KIF22: variants seen among roughly 807,000 people sequenced by gnomAD.
KIF22 encodes the protein kinesin family member 22, also known as kinesin-like protein KIF22.
A neutral mutation model predicts 73.0 loss-of-function variants in KIF22; 62 were observed. The observed-to-expected ratio is 0.85, with a 90% CI of 0.69 to 1.05. The LOEUF is 1.05. KIF22 is among the 50% of genes least tolerant of loss of function. KIF22 has a pLI of 0.00. For synonymous variants in KIF22, 411 were observed against 340.1 expected (o/e 1.21, Z -2.29); for missense variants, 854 against 870.1 (o/e 0.98, Z 0.23).
intron 11 of KIF22, chr16:29,804,371 A>ACC (rs1480721593): frequency 1.8e-5 from 11 of 600,862 alleles, no homozygotes; most frequent in Non-Finnish European, 2.4e-5. Flanking sequence ...TCAAGCAAGA[A>ACC]ACCACACATA....
At chr16:29,803,378 C>G in intron 9 of KIF22, 71 bp from the exon 10 acceptor site, 1 of 1,581,454 alleles carries the variant, frequency 6.3e-7, no homozygotes, top group Non-Finnish European at 8.6e-7. Flanking sequence ...CATACTCACC[C>G]TGGTAACCCA....
rs757812036 is a variant in KIF22, at chr16:29,798,415, T to A, written c.308T>A (p.Ile103Asn). The A allele has an allele frequency of 6.2e-7, 1 of 1,612,924 alleles. No homozygotes were observed. The highest frequency in any genetic ancestry group is 1.3e-5 in the African/African-American group (1 of 74,696). The change falls in exon 3 of 14, where the codon ATC becomes AAC. Residue 103 changes from isoleucine to asparagine, a missense_variant. Transcript: ENST00000160827. The surrounding 1 kb of genome is among the most constrained non-coding windows in gnomAD (Gnocchi z 4.1). ...FYGERSTQQD[I>N]YAGSVQPILR... ...GGGGAGAGGAGTACTCAGCAGGACA[T>A]CTATGCAGGTTCAGTGCAGCCCATC...
rs147421826 is a variant in KIF22, at chr16:29,797,662, G to C, written c.266+574G>C. On this transcript the variant is annotated intron_variant, in intron 2 of 13. Coordinates refer to ENST00000160827, the MANE Select transcript of KIF22 (RefSeq NM_007317.3). This position sits in a 1 kb window ranked among gnomAD's most constrained non-coding sequence, Gnocchi z 4.1. ...GCTTTCTGACTACAGTGGCAGAGTT[G>C]AGTAGTTGTAAAAGGAACACATGGC... is the stretch of plus-strand genomic sequence containing the variant. Among the ~76,000 whole-genome samples the C allele has an allele frequency of 1.3e-5, 2 of 152,282 alleles. No individual in the cohort carries two copies. The highest frequency in any genetic ancestry group is 4.8e-5 in the African/African-American group (2 of 41,546).
intron 9 of KIF22, 55 bp from the exon 10 acceptor site, chr16:29,803,394 T>G: frequency 6.2e-7 from 1 of 1,603,210 alleles, no homozygotes; most frequent in Non-Finnish European, 8.5e-7. Flanking sequence ...ACCCACTCCC[T>G]TCAGGCTGCC....
chr16:29,800,589 AC>A (rs1265110300), intron 8 of KIF22, among the ~76,000 whole-genome samples: 3 of 152,030 alleles, frequency 2.0e-5, no homozygotes, highest in Non-Finnish European at 4.4e-5. Context: ...ACATGGTGAA[AC>A]CCCATCTCTA....
At chr16:29,803,957 TA>T in intron 10 of KIF22, 40 bp from the exon 11 acceptor site, 1 of 1,508,226 alleles carries the variant, frequency 6.6e-7, no homozygotes, top group South Asian at 1.1e-5. Context: ...GGGTGAAAAG[TA>T]CCCTTTGCCC....
In KIF22 at chr16:29,797,904, A is replaced by AT. The variant is rs1451296221; in HGVS notation, c.267-466dup. On this transcript the variant is annotated intron_variant, in intron 2 of 13. Transcript: ENST00000160827. The surrounding 1 kb of genome is among the most constrained non-coding windows in gnomAD (Gnocchi z 4.1). Reference sequence around the variant, plus strand: ...AGTTCAGTCATAAGCAGCATCCTCTATTTTCCCCATTATGGTGTAAAATAC... The same window carrying AT: ...AGTTCAGTCATAAGCAGCATCCTCTATTTTTCCCCATTATGGTGTAAAATAC... Among the ~76,000 whole-genome samples, 1 of 152,052 alleles carries AT rather than the reference A, an allele frequency of 6.6e-6. No individual in the cohort carries two copies. The highest frequency in any genetic ancestry group is 1.5e-5 in the Non-Finnish European group (1 of 68,020).
Position 29,803,432 on chromosome 16 carries a change from C to T in KIF22, c.1450-17C>T, listed in dbSNP as rs772312375. On this transcript the variant is annotated splice_polypyrimidine_tract_variant and intron_variant, in intron 9 of 13. Coordinates refer to ENST00000160827, the MANE Select transcript of KIF22 (RefSeq NM_007317.3). ...GGAGTTGGGTCTGGATCACATCTCC[C>T]TGATCCTTTCCAACAGAGGCTTAAG... is the stretch of plus-strand genomic sequence containing the variant. The T allele has an allele frequency of 1.9e-6, 3 of 1,613,676 alleles. No homozygotes were observed. Among genetic ancestry groups the T allele is most frequent in the Middle Eastern group, 3.3e-4 (2 of 6,058 alleles).
At chr16:29,795,478 C>T (rs1454431852) in intron 1 of KIF22, among the ~76,000 whole-genome samples, 2 of 152,162 alleles carry the variant, frequency 1.3e-5, no homozygotes, top group Non-Finnish European at 2.9e-5. Context: ...TGGCTCCTAG[C>T]AACCAGCTGC....
chr16:29,793,516 T>C (rs1195698512), intron 1 of KIF22, among the ~76,000 whole-genome samples: 5 of 152,184 alleles, frequency 3.3e-5, no homozygotes, highest in South Asian at 2.1e-4. Context: ...ATAGGACTTA[T>C]CAGCTGTAAG....
Position 29,790,882 on chromosome 16 carries a change from G to T in KIF22, c.70+53G>T, listed in dbSNP as rs1010322322. On this transcript the variant is annotated intron_variant, in intron 1 of 13. Coordinates refer to ENST00000160827, the MANE Select transcript of KIF22 (RefSeq NM_007317.3). ...GGTACCGACGTCTGGAGTTTAGTGGGAGTTATGTGTCGGAGTGTGGTCCAG... is the reference window on the plus strand; with the variant it reads ...GGTACCGACGTCTGGAGTTTAGTGGTAGTTATGTGTCGGAGTGTGGTCCAG... 6 of 1,563,168 alleles carry T rather than the reference G, an allele frequency of 3.8e-6. No individual in the cohort carries two copies. The African/African-American group carries it at 8.1e-5, about 21-fold the overall frequency.
At position 29,804,807 on chromosome 16, in the gene KIF22, C is replaced by T. The variant is rs1187602008; in HGVS notation, c.1678-7C>T. 2 of 1,596,842 alleles carry T rather than the reference C, an allele frequency of 1.3e-6. No individual in the cohort carries two copies. The highest frequency in any genetic ancestry group is 1.1e-5 in the South Asian group (1 of 89,100). On this transcript the variant is annotated splice_polypyrimidine_tract_variant and splice_region_variant and intron_variant, in intron 11 of 13. Transcript: ENST00000160827. The stretch of plus-strand genomic sequence containing the variant: ...CTGCGTGTCACTCATCTCCCTTTGC[C>T]TCCCAGCTGGAGTCCCTGGATGCCC...
At chr16:29,791,125 A>C in intron 1 of KIF22, 1 of 1,342,238 alleles carries the variant, frequency 7.5e-7, no homozygotes. Flanking sequence ...TCGTCTGTGA[A>C]ACGGGGGTCA....
At position 29,797,877 on chromosome 16, in the gene KIF22, C is replaced by T. The variant is rs1400024273; in HGVS notation, c.267-497C>T. Among the ~76,000 whole-genome samples, 1 of 152,170 alleles carries T rather than the reference C, an allele frequency of 6.6e-6. No individual in the cohort carries two copies. Among genetic ancestry groups the T allele is most frequent in the Non-Finnish European group, 1.5e-5 (1 of 68,040 alleles). ...TGGATAGGTGATTGGTATGTAGAGT[C>T]TAGTTCAGTCATAAGCAGCATCCTC... On this transcript the variant is annotated intron_variant, in intron 2 of 13. Transcript: ENST00000160827. The surrounding 1 kb of genome is among the most constrained non-coding windows in gnomAD (Gnocchi z 4.1).
At chr16:29,800,086 G>A (rs1899086730) in intron 8 of KIF22, 38 bp downstream of exon 8, 1 of 1,580,880 alleles carries the variant, frequency 6.3e-7, no homozygotes, top group Non-Finnish European at 8.5e-7. Flanking sequence ...CCTTCCTGAT[G>A]TATGGCTTAG....
In KIF22 at chr16:29,800,044, C is replaced by T; in HGVS notation, c.1276C>T (p.Leu426Phe). 1 of 1,610,898 alleles carries T rather than the reference C, an allele frequency of 6.2e-7. No homozygotes were observed. The highest frequency in any genetic ancestry group is 8.5e-7 in the Non-Finnish European group (1 of 1,179,640). The change falls in exon 8 of 14, where the codon CTC becomes TTC. Residue 426 changes from leucine to phenylalanine, a missense_variant. Physicochemically the swap from Leu to Phe is conservative, Grantham distance 22 (BLOSUM62 0). This residue lies in a region of KIF22 where 423 missense variants were observed against 365.4 expected (regional missense o/e 1.16). Transcript: ENST00000160827. Reference protein sequence around the residue: ...MAAPASASQKLSPLQKLSSMD... With the variant: ...MAAPASASQKFSPLQKLSSMD... ...AGCTCCAGCCTCTGCCTCCCAGAAA[C>T]TCAGGTGAGCAGTGGGGCCTTGGGT... is the stretch of plus-strand genomic sequence containing the variant.
intron 1 of KIF22, 134 bp downstream of exon 1, chr16:29,790,963 C>G: frequency 6.7e-7 from 1 of 1,491,310 alleles, no homozygotes; most frequent in South Asian, 1.3e-5. Context: ...GAGAGGGGGA[C>G]GGTGAGAGTG....
chr16:29,805,061 G>T, intron 12 of KIF22, 35 bp downstream of exon 12: 1 of 1,611,128 alleles, frequency 6.2e-7, no homozygotes. Context: ...GGGCGGGGGC[G>T]GGGGAGACCG....
At position 29,799,374 on chromosome 16, in the gene KIF22, G is replaced by A. The variant is rs1256228050; in HGVS notation, c.870G>A (p.Arg290=). 2 of 1,614,134 alleles carry A rather than the reference G, an allele frequency of 1.2e-6. No homozygotes were observed. The highest frequency in any genetic ancestry group is 2.7e-5 in the African/African-American group (2 of 74,946). ...GGCGCACAGGCAACAAGGGCCTTCG[G>A]CTAAAAGAGAGTGGAGCCATCAACA... ...DNRRTGNKGL[R]LKESGAINTS... is the part of the protein sequence containing the mutation. The change falls in exon 6 of 14, where the codon CGG becomes CGA. Residue 290 remains arginine (R), a synonymous_variant. Transcript: ENST00000160827.
Sources: allele counts gnomAD v4.1 joint callset (sites outside exome capture counted in the v4.1 genomes callset), GRCh38; gene constraint gnomAD v4.1.1; regional missense constraint gnomAD v4.1.1; non-coding constraint Gnocchi (gnomAD v3.1); transcripts MANE v1.5; gene names NCBI Gene and HGNC (gene_info 2026-07-23, HGNC 2026-07-21).